Variants in HHIPL1 observed in about 807,000 individuals in gnomAD.
The protein encoded by HHIPL1 is HHIP-like protein 1.
HHIPL1 carries 43 observed loss-of-function variants against 61.8 expected under a neutral mutation model. That is an observed-to-expected ratio of 0.70 (90% confidence interval 0.55 to 0.90). The LOEUF is 0.90. Ranked by LOEUF, HHIPL1 falls within the 40% of genes least tolerant of loss-of-function variation. The pLI is 0.00. For missense variants in HHIPL1, 1,056 were observed against 1,157.7 expected, an observed-to-expected ratio of 0.91 and a Z score of 1.28; for synonymous variants, 482 against 515.8, an observed-to-expected ratio of 0.93 and a Z score of 0.89.
At chr14:99,631,052 CT>C in the HHIPL1 span, among the ~76,000 whole-genome samples, 113 of 63,772 alleles carry the variant, frequency 1.8e-3, no homozygotes, top group African/African-American at 6.7e-3. Flanking sequence ...GCTCCATTTT[CT>C]TTCTTTCTTT....
At chr14:99,662,336 G>A (rs1241469206) in intron 5 of HHIPL1, among the ~76,000 whole-genome samples, 1 of 152,156 alleles carries the variant, frequency 6.6e-6, no homozygotes, top group Admixed American at 6.5e-5. Flanking sequence ...GACAAGCAGC[G>A]ATGGGAGTAA....
intron 1 of HHIPL1, among the ~76,000 whole-genome samples, chr14:99,649,317 C>A (rs757892050): frequency 1.3e-5 from 2 of 152,132 alleles, no homozygotes; most frequent in African/African-American, 4.8e-5. Context: ...CCCCTCACTG[C>A]GTCTCTGGAA....
chr14:99,672,497 C>A, intron 8 of HHIPL1, 98 bp downstream of exon 8: 2 of 930,580 alleles, frequency 2.1e-6, no homozygotes, highest in South Asian at 1.4e-5. Context: ...CCAGCTGGAC[C>A]TAGATGCCCC....
At chr14:99,665,729 T>A (rs1376306450) in intron 6 of HHIPL1, among the ~76,000 whole-genome samples, 1 of 152,210 alleles carries the variant, frequency 6.6e-6, no homozygotes, top group Non-Finnish European at 1.5e-5. Flanking sequence ...CCACCATATC[T>A]GACCCAGATA....
Position 99,652,760 on chromosome 14 carries a change from C to T in HHIPL1, c.792C>T (p.Arg264=), listed in dbSNP as rs773933050. ...IAFHPSFQHN[R]RLYVYYSVGI... is the part of the protein sequence containing the mutation. ...TCCACCCCAGCTTCCAGCACAACCG[C>T]AGGCTCTACGTCTACTACTCAGTGG... Residue 264 remains arginine, a synonymous_variant, in exon 2 of 9, where the codon CGC becomes CGT. Coordinates refer to ENST00000330710, the MANE Select transcript of HHIPL1 (RefSeq NM_001127258.3). 6 of 1,613,964 alleles carry T rather than the reference C, an allele frequency of 3.7e-6. No individual in the cohort carries two copies. In the African/African-American group the frequency reaches 4.0e-5, roughly 11 times the overall value.
the HHIPL1 span, among the ~76,000 whole-genome samples, chr14:99,620,860 A>G: frequency 6.6e-6 from 1 of 152,106 alleles, no homozygotes; most frequent in African/African-American, 2.4e-5. Context: ...GAGCAGCAGG[A>G]GTCAGACCTG....
chr14:99,620,371 G>C, the HHIPL1 span, among the ~76,000 whole-genome samples: 1 of 152,254 alleles, frequency 6.6e-6, no homozygotes, highest in African/African-American at 2.4e-5. Flanking sequence ...GGAATGGCTG[G>C]CTGAGGGTCC....
intron 6 of HHIPL1, 95 bp downstream of exon 6, chr14:99,663,116 C>T (rs751732257): frequency 3.2e-4 from 390 of 1,223,448 alleles, no homozygotes; most frequent in Non-Finnish European, 4.0e-4. Context: ...AGGGGAAGGA[C>T]CACACAGGCC....
At chr14:99,608,095 A>G in the HHIPL1 span, among the ~76,000 whole-genome samples, 2 of 152,054 alleles carry the variant, frequency 1.3e-5, no homozygotes, top group African/African-American at 4.8e-5. Context: ...AGGAAGCAGT[A>G]CAAGCAAAGG....
the HHIPL1 span, among the ~76,000 whole-genome samples, chr14:99,613,499 C>T: frequency 6.6e-6 from 1 of 151,694 alleles, no homozygotes; most frequent in African/African-American, 2.4e-5. Context: ...AGTTTTTATA[C>T]TGTTTGTAGA....
the HHIPL1 span, among the ~76,000 whole-genome samples, chr14:99,621,699 C>CT: frequency 1.0e-5 from 1 of 99,426 alleles, no homozygotes; most frequent in Non-Finnish European, 2.0e-5. Context: ...CCCTTTTTTT[C>CT]TTTTCTTTTC....
At chr14:99,617,799 T>C in the HHIPL1 span, among the ~76,000 whole-genome samples, 35 of 152,224 alleles carry the variant, frequency 2.3e-4, no homozygotes, top group African/African-American at 7.9e-4. Flanking sequence ...GGCCCTCAGT[T>C]TCCCCATTCA....
the HHIPL1 span, among the ~76,000 whole-genome samples, chr14:99,639,818 C>A: frequency 1.3e-5 from 2 of 151,004 alleles, no homozygotes; most frequent in African/African-American, 4.9e-5. Context: ...CGCGCTACCA[C>A]GCCCGGCTAA....
intron 6 of HHIPL1, among the ~76,000 whole-genome samples, chr14:99,664,924 T>C (rs1389496372): frequency 6.6e-6 from 1 of 151,482 alleles, no homozygotes; most frequent in Non-Finnish European, 1.5e-5. Flanking sequence ...TCTTTTTTTT[T>C]TTTTTCCAAG....
chr14:99,639,231 T>C, the HHIPL1 span, among the ~76,000 whole-genome samples: 2 of 152,278 alleles, frequency 1.3e-5, no homozygotes. Flanking sequence ...TTTATTTTAA[T>C]TCAAGGTAGC....
intron 1 of HHIPL1, among the ~76,000 whole-genome samples, chr14:99,647,227 G>A (rs557323749): frequency 6.6e-6 from 1 of 152,306 alleles, no homozygotes; most frequent in East Asian, 1.9e-4. Flanking sequence ...AGGGTGGGCT[G>A]GCCACCTTTA....
At position 99,662,893 on chromosome 14, in the gene HHIPL1, A is replaced by G; in HGVS notation, c.1520A>G (p.Gln507Arg). 3 of 1,606,674 alleles carry G rather than the reference A, an allele frequency of 1.9e-6. No homozygotes were observed. The highest frequency in any genetic ancestry group is 2.5e-6 in the Non-Finnish European group (3 of 1,177,330). The change falls in exon 6 of 9, where the codon CAA (glutamine) becomes CGA (arginine). Residue 507 changes from glutamine (Q) to arginine (R), a missense_variant. Transcript: ENST00000330710. ...DFMSGRLMSL[Q>R]ENPGTGQWQY... ...CTTTGCAGGCGTCTGATGTCCCTCC[A>G]AGAGAACCCAGGGACAGGCCAGTGG...
intron 7 of HHIPL1, chr14:99,669,114 T>G: frequency 7.1e-7 from 1 of 1,411,804 alleles, no homozygotes. Flanking sequence ...TCACTCAGAC[T>G]TGGTAATCCC....
chr14:99,649,318 G>A (rs532707790), intron 1 of HHIPL1, among the ~76,000 whole-genome samples: 11 of 152,250 alleles, frequency 7.2e-5, no homozygotes, highest in African/African-American at 1.4e-4. Context: ...CCCTCACTGC[G>A]TCTCTGGAAC....
Sources: allele counts gnomAD v4.1 joint callset (sites outside exome capture counted in the v4.1 genomes callset), GRCh38; gene constraint gnomAD v4.1.1; transcripts MANE v1.5; gene names NCBI Gene and HGNC (gene_info 2026-07-23, HGNC 2026-07-21).